TLN1: variants seen among roughly 807,000 people sequenced by gnomAD.
TLN1 encodes the protein talin 1, also known as talin-1.
In TLN1, 56 loss-of-function variants were observed where a neutral mutation model predicts 292.3. The observed-to-expected ratio is 0.19, with a 90% CI of 0.15 to 0.24. TLN1 has a LOEUF of 0.24. Among genes scored for constraint, TLN1 ranks in the 10% least tolerant of loss-of-function variants. TLN1 has a pLI of 1.00. For synonymous variants in TLN1, 1,119 were observed against 1,253.7 expected, an observed-to-expected ratio of 0.89 and a Z score of 2.27; for missense variants, 2,433 against 3,248.2, an observed-to-expected ratio of 0.75 and a Z score of 6.10.
At chr9:35,728,900 T>C (rs1826022599) in intron 1 of TLN1, among the ~76,000 whole-genome samples, 1 of 152,052 alleles carries the variant, frequency 6.6e-6, no homozygotes. Flanking sequence ...ATAAGCCAAG[T>C]ACAGAATCAC....
chr9:35,717,126 C>G lies in TLN1; in HGVS notation c.2458+20G>C. On this transcript the variant is annotated intron_variant, in intron 19 of 56. Transcript: ENST00000314888. This position sits in a 1 kb window ranked among gnomAD's most constrained non-coding sequence, Gnocchi z 4.7. ...GAACCCTGGTAGGGTTTTTTGTTTT[C>G]CTGGGGGTGCGTGTCTTACCAGCAT... 6.4e-7 allele frequency: 1 copy of G among 1,570,464 alleles called. No homozygotes were observed.
Position 35,704,733 on chromosome 9 carries a change from C to T in TLN1, c.5816G>A (p.Cys1939Tyr). 2 of 1,614,190 alleles carry T rather than the reference C, an allele frequency of 1.2e-6. No homozygotes were observed. Among genetic ancestry groups the T allele is most frequent in the Non-Finnish European group, 1.7e-6 (2 of 1,180,046 alleles). The change falls in exon 44 of 57, where the codon TGC (cysteine) becomes TAC (tyrosine). Residue 1939 changes from cysteine (C) to tyrosine (Y), a missense_variant. By Grantham distance (194) the Cys-to-Tyr change is radical. Around this residue, in one of 7 missense-constraint regions of TLN1, gnomAD observed 1,384 missense variants for 1,699.6 expected, o/e 0.81. Coordinates refer to ENST00000314888, the MANE Select transcript of TLN1 (RefSeq NM_006289.4). The surrounding 1 kb of genome is among the most constrained non-coding windows in gnomAD (Gnocchi z 6.9). ...CTTGGTGTAGGCATCACTGGGGCTG[C>T]ACTGCAGGGCGCCTGCCTTGGTGAC... ...ALVTKAGALQ[C>Y]SPSDAYTKKE... is the part of the protein sequence containing the mutation.
In TLN1 at chr9:35,711,986, C is replaced by G; in HGVS notation, c.3681+19G>C. The G allele has an allele frequency of 6.2e-7, 1 of 1,612,394 alleles. No individual in the cohort carries two copies. Among genetic ancestry groups the G allele is most frequent in the Non-Finnish European group, 8.5e-7 (1 of 1,179,494 alleles). ...ATTCTTTGACTCCTACGTTCCCCCA[C>G]CCCCTACCGTCCTCCTACCGAGTCA... On this transcript the variant is annotated intron_variant, in intron 28 of 56. Transcript: ENST00000314888.
At chr9:35,703,394 G>A (rs1336112746) in intron 48 of TLN1, among the ~76,000 whole-genome samples, 166 bp downstream of exon 48, 2 of 152,172 alleles carry the variant, frequency 1.3e-5, no homozygotes, top group Non-Finnish European at 2.9e-5. Flanking sequence ...AAGGCTGGAG[G>A]AGGATGGCTA....
intron 20 of TLN1, among the ~76,000 whole-genome samples, 200 bp downstream of exon 20, chr9:35,716,190 T>TA (rs11443679): frequency 0.4 from 44,321 of 112,074 alleles, 8,395 homozygotes; most frequent in East Asian, 0.55. Flanking sequence ...ACCACATCTT[T>TA]AAAAAAAAAA....
At position 35,714,692 on chromosome 9, in the gene TLN1, A is replaced by AG. The variant is rs1017743848; in HGVS notation, c.2872-6dup. ...TGGAATCTGCTCTGCCACTGCCTGT[A>AG]GGTGAAAATGTCATAAGAGACCCAC... On this transcript the variant is annotated splice_polypyrimidine_tract_variant and splice_region_variant and intron_variant, in intron 22 of 56. Coordinates refer to ENST00000314888, the MANE Select transcript of TLN1 (RefSeq NM_006289.4). This position sits in a 1 kb window ranked among gnomAD's most constrained non-coding sequence, Gnocchi z 4.6. 5.6e-6 allele frequency: 9 copies of AG among 1,614,100 alleles called. No individual in the cohort carries two copies. The highest frequency in any genetic ancestry group is 6.8e-6 in the Non-Finnish European group (8 of 1,179,966).
chr9:35,716,571 C>G lies in TLN1; in HGVS notation c.2459-15G>C, dbSNP rs1825787001. On this transcript the variant is annotated splice_polypyrimidine_tract_variant and intron_variant, in intron 19 of 56. Transcript: ENST00000314888. ...CACCATCTCCCCTGAGAGCATAGGG[C>G]ACAGTCAGGCGAGGAAGCCAGAGAC... 6.2e-7 allele frequency: 1 copy of G among 1,611,424 alleles called. No homozygotes were observed. The highest frequency in any genetic ancestry group is 1.3e-5 in the African/African-American group (1 of 74,874).
At chr9:35,720,629 CTTTTTTTTT>C in intron 11 of TLN1, 120 bp from the exon 12 acceptor site, 1 of 833,106 alleles carries the variant, frequency 1.2e-6, no homozygotes, top group South Asian at 1.8e-5. Context: ...ATTTCTTTTT[CTTTTTTTTT>C]TTTTTTTGAC....
In TLN1 at chr9:35,714,026, T is replaced by C. The variant is rs371395463; in HGVS notation, c.3176A>G (p.Asn1059Ser). Residue 1059 changes from asparagine (N) to serine (S), a missense_variant, in exon 25 of 57, where the codon AAT (asparagine) becomes AGT (serine). This residue lies in a region of TLN1 where 1,384 missense variants were observed against 1,699.6 expected (regional missense o/e 0.81). Transcript: ENST00000314888. This position sits in a 1 kb window ranked among gnomAD's most constrained non-coding sequence, Gnocchi z 4.6. ...CACTTCCTGTAGATCTTTCTCTAGA[T>C]TCTGTACCACACTCAGTGCAGAATC... ...EMDSALSVVQ[N>S]LEKDLQEVKA... The C allele has an allele frequency of 7.3e-5, 118 of 1,614,096 alleles. No individual in the cohort carries two copies. The highest frequency in any genetic ancestry group is 9.7e-5 in the Non-Finnish European group (114 of 1,180,048).
Position 35,699,588 on chromosome 9 carries a change from T to G in TLN1, c.6769-127A>C. On this transcript the variant is annotated intron_variant, in intron 50 of 56. Transcript: ENST00000314888. This position sits in a 1 kb window ranked among gnomAD's most constrained non-coding sequence, Gnocchi z 4.0. ...GCACTCCACACCATAGCCCTCAAAC[T>G]CCACGCTGCCTATCCAAGTACACAT... The G allele has an allele frequency of 4.2e-6, 6 of 1,431,074 alleles. No homozygotes were observed. Among genetic ancestry groups the G allele is most frequent in the Non-Finnish European group, 5.5e-6 (6 of 1,094,426 alleles). The allele number at this position is 1,431,074 out of a possible 1,614,324, so 88.6% of individuals were successfully genotyped here. A position where few individuals can be genotyped will look rare whatever the true frequency, so the allele number is the denominator to read the frequency against.
At position 35,707,475 on chromosome 9, in the gene TLN1, G is replaced by A. The variant is rs1179394179; in HGVS notation, c.4646C>T (p.Ala1549Val). 2 of 1,614,084 alleles carry A rather than the reference G, an allele frequency of 1.2e-6. No homozygotes were observed. Among genetic ancestry groups the A allele is most frequent in the Admixed American group, 3.3e-5 (2 of 60,016 alleles). The change falls in exon 36 of 57, where the codon GCC becomes GTC. Residue 1549 changes from alanine to valine, a missense_variant. Around this residue, in one of 7 missense-constraint regions of TLN1, gnomAD observed 1,384 missense variants for 1,699.6 expected, o/e 0.81. Transcript: ENST00000314888. The surrounding 1 kb of genome is among the most constrained non-coding windows in gnomAD (Gnocchi z 5.6). ...LVKTIKALDG[A>V]FTEENRAQCR... ...CTGGGCACGGTTCTCCTCTGTGAAG[G>A]CCCCATCTAGCGCCTAGAAGTGACA... is the stretch of plus-strand genomic sequence containing the variant.
In TLN1 at chr9:35,708,325, T is replaced by C. The variant is rs1483609346; in HGVS notation, c.4470+16A>G. On this transcript the variant is annotated intron_variant, in intron 34 of 56. Coordinates refer to ENST00000314888, the MANE Select transcript of TLN1 (RefSeq NM_006289.4). ...CTTTCCCAGACTCGCCTGTGGTCCC[T>C]GTTCCCTTGAGTTACCTGGGCCTGG... is the stretch of plus-strand genomic sequence containing the variant. 2.5e-6 allele frequency: 4 copies of C among 1,588,732 alleles called. No individual in the cohort carries two copies. In the East Asian group the frequency reaches 6.8e-5, roughly 27 times the overall value.
In TLN1 at chr9:35,704,897, C is replaced by T. The variant is rs1016029823; in HGVS notation, c.5734-82G>A. 2.8e-6 allele frequency: 4 copies of T among 1,443,802 alleles called. No homozygotes were observed. The African/African-American group carries it at 5.7e-5, about 21-fold the overall frequency. 89.4% of individuals were successfully genotyped at this position (1,443,802 alleles called of 1,614,324 possible). ...CTGTGCTTGGAAAAGTCACTAAGGA[C>T]ATAGAAAAAAACATGCATTGTAGAC... On this transcript the variant is annotated intron_variant, in intron 43 of 56. Transcript: ENST00000314888. The surrounding 1 kb of genome is among the most constrained non-coding windows in gnomAD (Gnocchi z 6.9).
chr9:35,722,687 G>A (rs1458421578), intron 8 of TLN1, among the ~76,000 whole-genome samples, 174 bp downstream of exon 8: 1 of 152,236 alleles, frequency 6.6e-6, no homozygotes, highest in South Asian at 2.1e-4. Context: ...GGATGGAGCT[G>A]AGACTAAAAG....
chr9:35,717,168 G>T lies in TLN1; in HGVS notation c.2436C>A (p.Ile812=), dbSNP rs1825801438. 2 of 1,605,138 alleles carry T rather than the reference G, an allele frequency of 1.2e-6. No individual in the cohort carries two copies. Among genetic ancestry groups the T allele is most frequent in the Non-Finnish European group, 1.7e-6 (2 of 1,172,334 alleles). ...TDTILTVTEN[I]FSSMGDAGEM... Reference sequence around the variant, plus strand: ...TACCAGCATCACCCATGGAGCTAAAGATGTTCTCAGTGACGGTTAGGATGG... The same window carrying T: ...TACCAGCATCACCCATGGAGCTAAATATGTTCTCAGTGACGGTTAGGATGG... The change falls in exon 19 of 57, where the codon ATC becomes ATA. Residue 812 remains isoleucine (I), a synonymous_variant. Coordinates refer to ENST00000314888, the MANE Select transcript of TLN1 (RefSeq NM_006289.4). The surrounding 1 kb of genome is among the most constrained non-coding windows in gnomAD (Gnocchi z 4.7).
At position 35,699,393 on chromosome 9, in the gene TLN1, G is replaced by A. The variant is rs1275002253; in HGVS notation, c.6837C>T (p.Ser2279=). 3.1e-6 allele frequency: 5 copies of A among 1,613,968 alleles called. No homozygotes were observed. Among genetic ancestry groups the A allele is most frequent in the Middle Eastern group, 1.7e-4 (1 of 6,058 alleles). The change falls in exon 51 of 57, where the codon TCC becomes TCT. Residue 2279 remains serine, a synonymous_variant. Coordinates refer to ENST00000314888, the MANE Select transcript of TLN1 (RefSeq NM_006289.4). The surrounding 1 kb of genome is among the most constrained non-coding windows in gnomAD (Gnocchi z 4.0). ...CAGCAGCCTGGATGAGCTCAGTGAC[G>A]GAACCAGCCACACGCTTTGAATGTC... ...LTGHSKRVAG[S]VTELIQAAEA...
chr9:35,702,239 C>T (rs980473994), intron 48 of TLN1, among the ~76,000 whole-genome samples: 2 of 152,088 alleles, frequency 1.3e-5, no homozygotes, highest in African/African-American at 4.8e-5. Context: ...TGTCATGGTT[C>T]GGAGGCACTG....
At chr9:35,712,252 G>T in intron 27 of TLN1, 128 bp from the exon 28 acceptor site, 1 of 1,292,788 alleles carries the variant, frequency 7.7e-7, no homozygotes, top group Non-Finnish European at 1.0e-6. Flanking sequence ...GGCGTTGTAG[G>T]TGAACAGGCT....
At chr9:35,710,296 T>C (rs1322288889) in intron 33 of TLN1, among the ~76,000 whole-genome samples, 1 of 152,030 alleles carries the variant, frequency 6.6e-6, no homozygotes, top group East Asian at 1.9e-4. Context: ...TAGTATATTT[T>C]GAGAAAGCCA....
Sources: allele counts gnomAD v4.1 joint callset (sites outside exome capture counted in the v4.1 genomes callset), GRCh38; gene constraint gnomAD v4.1.1; regional missense constraint gnomAD v4.1.1; non-coding constraint Gnocchi (gnomAD v3.1); transcripts MANE v1.5; gene names NCBI Gene and HGNC (gene_info 2026-07-23, HGNC 2026-07-21).